The following RANBP2 variants were observed in gnomAD, a reference collection of about 807,000 sequenced individuals.
The protein encoded by RANBP2 is RAN binding protein 2, also known as E3 SUMO-protein ligase RanBP2.
Under a neutral mutation model 303.6 loss-of-function variants are expected in RANBP2, and 57 were observed. The ratio of observed to expected loss-of-function variants is 0.19; its 90% CI spans 0.15 to 0.23. The LOEUF (loss-of-function observed/expected upper bound fraction) is 0.23. Among genes scored for constraint, RANBP2 ranks in the 10% least tolerant of loss-of-function variants. The pLI is 1.00. For synonymous variants in RANBP2, 1,167 were observed against 1,301.5 expected (o/e 0.90, Z 2.23); for missense variants, 3,138 against 3,780.8 (o/e 0.83, Z 4.46).
the RANBP2 span, among the ~76,000 whole-genome samples, chr2:108,791,022 A>C: frequency 8.5e-5 from 13 of 152,240 alleles, no homozygotes; most frequent in Admixed American, 2.6e-4. Flanking sequence ...TCGGCCTCCC[A>C]AAGTGCTGAG....
the RANBP2 span, among the ~76,000 whole-genome samples, chr2:109,046,042 C>T: frequency 6.6e-6 from 1 of 152,116 alleles, no homozygotes; most frequent in Non-Finnish European, 1.5e-5. Flanking sequence ...TGGTGTCTCA[C>T]ACCTGTAATC....
chr2:109,621,386 C>T, the RANBP2 span, among the ~76,000 whole-genome samples: 36 of 152,014 alleles, frequency 2.4e-4, no homozygotes, highest in Middle Eastern at 3.4e-3. Flanking sequence ...CTCCTGACCT[C>T]GTGATCTGCC....
chr2:109,567,695 C>T, the RANBP2 span: 1 of 1,019,534 alleles, frequency 9.8e-7, no homozygotes. Context: ...TTTGAAAATT[C>T]ACCTTGTTTG....
the RANBP2 span, among the ~76,000 whole-genome samples, chr2:108,810,188 G>A: frequency 1.3e-5 from 2 of 152,184 alleles, no homozygotes; most frequent in Non-Finnish European, 2.9e-5. Flanking sequence ...TGTTCAACAA[G>A]AGTGGTGAGA....
At chr2:108,890,558 A>C in the RANBP2 span, among the ~76,000 whole-genome samples, 4 of 152,140 alleles carry the variant, frequency 2.6e-5, no homozygotes, top group East Asian at 7.8e-4. Context: ...GGTTTTCTTG[A>C]TAGGTAACTG....
chr2:108,986,703 T>C, the RANBP2 span, among the ~76,000 whole-genome samples: 2 of 152,350 alleles, frequency 1.3e-5, no homozygotes, highest in South Asian at 2.1e-4. Flanking sequence ...CATAGAAATG[T>C]ACAGCAGAGG....
At chr2:109,589,083 C>T in the RANBP2 span, among the ~76,000 whole-genome samples, 4 of 152,102 alleles carry the variant, frequency 2.6e-5, no homozygotes, top group Admixed American at 6.5e-5. Flanking sequence ...GGCGCCACCA[C>T]GCCTGGGTAA....
chr2:108,869,169 C>T, the RANBP2 span, among the ~76,000 whole-genome samples: 129 of 152,140 alleles, frequency 8.5e-4, no homozygotes, highest in Admixed American at 1.4e-3. Context: ...TAAATAGCTA[C>T]AGACAGACTA....
chr2:109,236,974 A>G, the RANBP2 span, among the ~76,000 whole-genome samples: 1 of 152,204 alleles, frequency 6.6e-6, no homozygotes, highest in African/African-American at 2.4e-5. Flanking sequence ...GTTTAATATT[A>G]AAGACCCTGG....
chr2:109,501,787 G>A, the RANBP2 span: 1 of 627,050 alleles, frequency 1.6e-6, no homozygotes, highest in Non-Finnish European at 2.9e-6. Flanking sequence ...CAAGGCACCT[G>A]GCGGGGGATA....
chr2:109,453,231 G>C, the RANBP2 span, among the ~76,000 whole-genome samples: 1 of 152,158 alleles, frequency 6.6e-6, no homozygotes, highest in Non-Finnish European at 1.5e-5. Flanking sequence ...TACTCTCCCA[G>C]GTCTCTTCCT....
chr2:108,762,876 CTT>C, intron 19 of RANBP2, among the ~76,000 whole-genome samples: 1 of 152,080 alleles, frequency 6.6e-6, no homozygotes, highest in Middle Eastern at 3.4e-3. Flanking sequence ...TATTTTATGA[CTT>C]TAGCTGTAGA....
At chr2:109,336,858 A>G in the RANBP2 span, among the ~76,000 whole-genome samples, 1 of 152,088 alleles carries the variant, frequency 6.6e-6, no homozygotes, top group East Asian at 1.9e-4. Context: ...GTATCCGTCA[A>G]CACCTGGTGC....
the RANBP2 span, among the ~76,000 whole-genome samples, chr2:109,108,859 C>T: frequency 1.7e-4 from 26 of 152,116 alleles, no homozygotes; most frequent in African/African-American, 5.1e-4. Context: ...AGAACTGGCC[C>T]GAAAAACCTT....
At chr2:109,320,436 G>A in the RANBP2 span, among the ~76,000 whole-genome samples, 6 of 152,106 alleles carry the variant, frequency 3.9e-5, no homozygotes, top group Non-Finnish European at 5.9e-5. Flanking sequence ...CACCGCAGGC[G>A]CCCATCCTCG....
At chr2:109,160,326 A>T in the RANBP2 span, among the ~76,000 whole-genome samples, 1 of 152,232 alleles carries the variant, frequency 6.6e-6, no homozygotes, top group African/African-American at 2.4e-5. Context: ...CTTGGGGTGC[A>T]GCCCATGCTT....
At chr2:108,825,881 A>C in the RANBP2 span, among the ~76,000 whole-genome samples, 2 of 152,188 alleles carry the variant, frequency 1.3e-5, no homozygotes, top group East Asian at 3.8e-4. Flanking sequence ...GAGTCCTGCC[A>C]GCAGTCTGCA....
Position 108,741,886 on chromosome 2 carries a change from G to C in RANBP2, c.975+1205G>C, listed in dbSNP as rs1312138103. Among the ~76,000 whole-genome samples the C allele has an allele frequency of 2.1e-5, 3 of 144,200 alleles. No individual in the cohort carries two copies. The Admixed American group carries it at 2.2e-4, about 10-fold the overall frequency. 94.6% of individuals were successfully genotyped at this position (144,200 alleles called of 152,430 possible). Reference sequence around the variant, plus strand: ...AAGAAATAAGTAGTCTTCCAAAAAAGCATTAAACCACGCTTAGAAAAATGA... The same window carrying C: ...AAGAAATAAGTAGTCTTCCAAAAAACCATTAAACCACGCTTAGAAAAATGA... On this transcript the variant is annotated intron_variant, in intron 7 of 28. Coordinates refer to ENST00000283195, the MANE Select transcript of RANBP2 (RefSeq NM_006267.5).
At chr2:109,024,945 A>ATTGTTGT in the RANBP2 span, among the ~76,000 whole-genome samples, 1 of 152,178 alleles carries the variant, frequency 6.6e-6, no homozygotes, top group Non-Finnish European at 1.5e-5. Flanking sequence ...CTGTGCAGCC[A>ATTGTTGT]TCACCACTCC....
Sources: gnomAD v4.1 joint callset for allele counts (sites outside exome capture counted in the v4.1 genomes callset) on GRCh38, gnomAD v4.1.1 for gene constraint, MANE v1.5 for transcripts, NCBI Gene and HGNC (gene_info 2026-07-23, HGNC 2026-07-21) for gene names.